The following SCAF8 variants were observed in gnomAD, a reference collection of about 807,000 sequenced individuals.
SCAF8 encodes SR-related and CTD-associated factor 8.
In SCAF8, 23 loss-of-function variants were observed where a neutral mutation model predicts 140.5. The ratio of observed to expected loss-of-function variants is 0.16; its 90% CI spans 0.12 to 0.23. The LOEUF (loss-of-function observed/expected upper bound fraction) is 0.23, where lower values mean the gene tolerates loss of function less well. Ranked by LOEUF, SCAF8 falls within the 10% of genes least tolerant of loss-of-function variation. SCAF8 has a pLI of 1.00. For missense variants in SCAF8, 1,397 were observed against 1,555.7 expected (o/e 0.90, Z 1.72); for synonymous variants, 575 against 528.9 (o/e 1.09, Z -1.20).
intron 1 of SCAF8, among the ~76,000 whole-genome samples, chr6:154,747,592 C>T (rs1371142667): frequency 2.6e-5 from 4 of 152,168 alleles, no homozygotes; most frequent in African/African-American, 9.7e-5. Context: ...AAAGGCTATG[C>T]TTTGCTGGGC....
intron 9 of SCAF8, among the ~76,000 whole-genome samples, chr6:154,807,100 G>A (rs1029276222): frequency 6.6e-6 from 1 of 152,108 alleles, no homozygotes; most frequent in East Asian, 1.9e-4. Context: ...CACTGTAATC[G>A]TAGTACTTTA....
chr6:154,827,835 G>A (rs1023253550), intron 18 of SCAF8, among the ~76,000 whole-genome samples: 1 of 39,834 alleles, frequency 2.5e-5, no homozygotes, highest in South Asian at 6.9e-4. Context: ...GGGGCGGGGC[G>A]GGGGGGGGGG....
intron 3 of SCAF8, among the ~76,000 whole-genome samples, chr6:154,782,931 A>G (rs1306007598): frequency 6.6e-6 from 1 of 152,154 alleles, no homozygotes; most frequent in Non-Finnish European, 1.5e-5. Context: ...CTTTGGCAGC[A>G]CCCTCACAGA....
chr6:154,741,758 A>G (rs1263626724), intron 1 of SCAF8, among the ~76,000 whole-genome samples: 1 of 152,126 alleles, frequency 6.6e-6, no homozygotes, highest in Non-Finnish European at 1.5e-5. Context: ...TAGTGATAGT[A>G]TTACTAGTTG....
intron 3 of SCAF8, among the ~76,000 whole-genome samples, chr6:154,781,848 T>C (rs776361121): frequency 1.3e-5 from 2 of 152,208 alleles, no homozygotes; most frequent in Non-Finnish European, 2.9e-5. Flanking sequence ...ACCAAACTGT[T>C]TTCCAAGATG....
intron 6 of SCAF8, among the ~76,000 whole-genome samples, chr6:154,797,519 C>T (rs1777640334): frequency 6.6e-6 from 1 of 151,372 alleles, no homozygotes; most frequent in Non-Finnish European, 1.5e-5. Flanking sequence ...CCTCAGCCTC[C>T]CGAGTAGCTG....
intron 6 of SCAF8, 21 bp downstream of exon 6, chr6:154,795,160 A>G (rs1583042412): frequency 6.3e-7 from 1 of 1,584,144 alleles, no homozygotes; most frequent in South Asian, 1.2e-5. Flanking sequence ...TTTCTGTTAT[A>G]TCAAGAATAA....
intron 2 of SCAF8, 58 bp downstream of exon 2, chr6:154,774,130 G>T: frequency 9.2e-7 from 1 of 1,083,746 alleles, no homozygotes; most frequent in Non-Finnish European, 1.4e-6. Context: ...TAATAGTTTG[G>T]ATGGGGGATA....
chr6:154,734,008 G>A, intron 1 of SCAF8, 78 bp downstream of exon 1: 1 of 1,436,794 alleles, frequency 7.0e-7, no homozygotes, highest in Non-Finnish European at 9.1e-7. Context: ...CCGGAGGGTG[G>A]GCGCGGGCCT....
chr6:154,738,410 A>G (rs1778484821), intron 1 of SCAF8, among the ~76,000 whole-genome samples: 1 of 152,180 alleles, frequency 6.6e-6, no homozygotes, highest in African/African-American at 2.4e-5. Context: ...ATTGTGCAGG[A>G]ATTATGTGGT....
chr6:154,805,039 A>G (rs1435142135), intron 8 of SCAF8, among the ~76,000 whole-genome samples: 1 of 152,142 alleles, frequency 6.6e-6, no homozygotes, highest in Non-Finnish European at 1.5e-5. Flanking sequence ...AAATGTTTAA[A>G]CTTTTTATAA....
intron 1 of SCAF8, among the ~76,000 whole-genome samples, chr6:154,756,016 C>T (rs1778957988): frequency 1.3e-5 from 2 of 152,204 alleles, no homozygotes; most frequent in African/African-American, 2.4e-5. Context: ...ATTTCACTTA[C>T]ATTTTCTTAT....
At chr6:154,799,433 G>A (rs1170515961) in intron 6 of SCAF8, among the ~76,000 whole-genome samples, 2 of 151,342 alleles carry the variant, frequency 1.3e-5, no homozygotes, top group Non-Finnish European at 3.0e-5. Context: ...AGTTTCAGCA[G>A]TCACTTCATT....
chr6:154,763,157 C>T (rs1261997039), intron 1 of SCAF8, among the ~76,000 whole-genome samples: 1 of 152,066 alleles, frequency 6.6e-6, no homozygotes, highest in Non-Finnish European at 1.5e-5. Flanking sequence ...GATTTTTCTC[C>T]CCTCCTCATT....
intron 1 of SCAF8, among the ~76,000 whole-genome samples, chr6:154,745,835 A>ATAT (rs1778684935): frequency 6.6e-6 from 1 of 152,018 alleles, no homozygotes; most frequent in African/African-American, 2.4e-5. Context: ...TCCCATTTAT[A>ATAT]TATATAGGTG....
chr6:154,800,998 G>A (rs1777755331), intron 6 of SCAF8, among the ~76,000 whole-genome samples: 1 of 151,478 alleles, frequency 6.6e-6, no homozygotes, highest in African/African-American at 2.4e-5. Context: ...CGAAGTCAGA[G>A]TAGAGGAAGA....
intron 4 of SCAF8, 66 bp from the exon 5 acceptor site, chr6:154,792,757 T>C (rs1400257146): frequency 2.6e-6 from 3 of 1,138,184 alleles, no homozygotes; most frequent in Non-Finnish European, 3.7e-6. Flanking sequence ...AGATAGCCTC[T>C]ATGAAATGAC....
chr6:154,738,722 C>T (rs1390273420), intron 1 of SCAF8, among the ~76,000 whole-genome samples: 1 of 152,160 alleles, frequency 6.6e-6, no homozygotes, highest in Non-Finnish European at 1.5e-5. Flanking sequence ...GCATTTCTTC[C>T]TAGTGAAAAG....
chr6:154,743,476 C>G (rs1284881182), intron 1 of SCAF8, among the ~76,000 whole-genome samples: 1 of 152,166 alleles, frequency 6.6e-6, no homozygotes, highest in Admixed American at 6.5e-5. Flanking sequence ...GAAGAATAAA[C>G]TAATAAGTAT....
Sources: allele counts gnomAD v4.1 joint callset (sites outside exome capture counted in the v4.1 genomes callset), GRCh38; gene constraint gnomAD v4.1.1; transcripts MANE v1.5; gene names NCBI Gene and HGNC (gene_info 2026-07-23, HGNC 2026-07-21).